The following NRXN3 variants were observed in gnomAD, a reference collection of about 807,000 sequenced individuals.
NRXN3 encodes the protein neurexin III.
NRXN3 carries 32 observed loss-of-function variants against 137.6 expected under a neutral mutation model. The ratio of observed to expected loss-of-function variants is 0.23; its 90% confidence interval spans 0.18 to 0.31. The LOEUF (loss-of-function observed/expected upper bound fraction) is 0.31. Among genes scored for constraint, NRXN3 ranks in the 10% least tolerant of loss-of-function variants. The pLI is 1.00. For synonymous variants in NRXN3, 798 were observed against 784.5 expected, an observed-to-expected ratio of 1.02 and a Z score of -0.29; for missense variants, 1,574 against 2,062.5, an observed-to-expected ratio of 0.76 and a Z score of 4.59.
At position 78,291,889 on chromosome 14, in the gene NRXN3, T is replaced by C. The variant is rs74065982; in HGVS notation, c.728-5942T>C. Among the ~76,000 whole-genome samples, 826 of 150,746 alleles carry C rather than the reference T, an allele frequency of 5.5e-3. 7 individuals are homozygous for C. The highest frequency in any genetic ancestry group is 0.02 in the African/African-American group (796 of 40,198). On this transcript the variant is annotated intron_variant, in intron 3 of 20. Transcript: ENST00000335750. ...AATAAAAGTCTTGGCAGAGATAACT[T>C]TTTTTTCGTCTTTTCTGAATCTTTT...
At chr14:78,284,536 G>A (rs953784799) in intron 3 of NRXN3, among the ~76,000 whole-genome samples, 3 of 152,200 alleles carry the variant, frequency 2.0e-5, no homozygotes, top group East Asian at 3.9e-4. Flanking sequence ...TCAGATTTTC[G>A]GGGTTCACAT....
At chr14:79,399,026 A>C (rs2095110850) in intron 15 of NRXN3, among the ~76,000 whole-genome samples, 1 of 148,030 alleles carries the variant, frequency 6.8e-6, no homozygotes, top group Admixed American at 6.8e-5. Flanking sequence ...AAAAAAAAAA[A>C]AGAAGAAGAA....
rs986412461 is a variant in NRXN3 at position 79,096,310 on chromosome 14, G to A, written c.3262+108169G>A. 2.6e-5 allele frequency among the ~76,000 whole-genome samples: 4 copies of A among 151,824 alleles called. 1 individual carries two copies. The highest frequency in any genetic ancestry group is 2.6e-4 in the Admixed American group (4 of 15,252). ...ATTTTAGTAGAGGCGGGGTTTCACTGTGTTGCCCAGGCTGGTCTCTAACTC... is the reference window on the plus strand; with the variant it reads ...ATTTTAGTAGAGGCGGGGTTTCACTATGTTGCCCAGGCTGGTCTCTAACTC... On this transcript the variant is annotated intron_variant, in intron 15 of 20. Transcript: ENST00000335750.
At chr14:79,593,033 CTTAT>C (rs2097822181) in intron 16 of NRXN3, among the ~76,000 whole-genome samples, 1 of 152,086 alleles carries the variant, frequency 6.6e-6, no homozygotes, top group African/African-American at 2.4e-5. Context: ...TTTTATTTCA[CTTAT>C]TTGACACTAC....
At chr14:78,272,824 C>T (rs994756793) in intron 2 of NRXN3, among the ~76,000 whole-genome samples, 4 of 152,010 alleles carry the variant, frequency 2.6e-5, no homozygotes, top group Non-Finnish European at 4.4e-5. Context: ...GGATGAATAC[C>T]GTTTCTACCT....
intron 15 of NRXN3, among the ~76,000 whole-genome samples, chr14:79,385,211 GCCC>G (rs372558684): frequency 1.0e-5 from 1 of 100,162 alleles, no homozygotes; most frequent in Non-Finnish European, 2.0e-5. Flanking sequence ...CCTTCCCCCC[GCCC>G]CCACCCCACC....
intron 15 of NRXN3, among the ~76,000 whole-genome samples, chr14:79,173,859 C>T (rs2062033409): frequency 6.6e-6 from 1 of 152,108 alleles, no homozygotes. Flanking sequence ...ATGGCTTCTC[C>T]ACCTTAAGGC....
At chr14:79,842,568 TA>T (rs2099358267) in intron 20 of NRXN3, among the ~76,000 whole-genome samples, 1 of 152,126 alleles carries the variant, frequency 6.6e-6, no homozygotes, top group South Asian at 2.1e-4. Flanking sequence ...TTGGGGATTT[TA>T]AAGAGGAAAG....
intron 4 of NRXN3, among the ~76,000 whole-genome samples, chr14:78,490,961 A>G (rs1432199046): frequency 6.6e-6 from 1 of 152,046 alleles, no homozygotes; most frequent in East Asian, 1.9e-4. Flanking sequence ...CCGGTCTACC[A>G]TCTCCTTTCC....
At chr14:78,927,069 C>A (rs1302043092) in intron 10 of NRXN3, among the ~76,000 whole-genome samples, 5 of 126,104 alleles carry the variant, frequency 4.0e-5, no homozygotes, top group African/African-American at 5.9e-5. Context: ...GTGGGAGGAT[C>A]TCTTGAGCCC....
intron 4 of NRXN3, among the ~76,000 whole-genome samples, chr14:78,452,949 T>A (rs552057804): frequency 6.6e-6 from 1 of 152,376 alleles, no homozygotes; most frequent in East Asian, 1.9e-4. Flanking sequence ...TAACCATTGA[T>A]GGAGTTGGGA....
At chr14:79,546,437 T>C (rs2097321398) in intron 16 of NRXN3, among the ~76,000 whole-genome samples, 1 of 152,198 alleles carries the variant, frequency 6.6e-6, no homozygotes, top group African/African-American at 2.4e-5. Flanking sequence ...CCTCTGTGTT[T>C]TGGTGTTGTC....
At chr14:79,045,918 C>T (rs2099632459) in intron 15 of NRXN3, among the ~76,000 whole-genome samples, 1 of 152,090 alleles carries the variant, frequency 6.6e-6, no homozygotes. Context: ...TGATGCAAAA[C>T]AGCTAGAAGA....
intron 1 of NRXN3, among the ~76,000 whole-genome samples, chr14:78,232,506 C>A (rs1157918022): frequency 1.3e-5 from 2 of 152,154 alleles, no homozygotes; most frequent in East Asian, 3.8e-4. Context: ...GTAAATTGCA[C>A]TCTTGCTGGG....
At chr14:79,783,947 A>C (rs2099121644) in intron 19 of NRXN3, among the ~76,000 whole-genome samples, 1 of 152,166 alleles carries the variant, frequency 6.6e-6, no homozygotes, top group South Asian at 2.1e-4. Flanking sequence ...TGGCAATTAA[A>C]ACTTCACATG....
intron 16 of NRXN3, among the ~76,000 whole-genome samples, chr14:79,501,134 G>A (rs573317759): frequency 2.0e-5 from 3 of 152,242 alleles, no homozygotes; most frequent in Admixed American, 1.3e-4. Flanking sequence ...ATTATCAGGC[G>A]AAGTTTGGGG....
intron 1 of NRXN3, among the ~76,000 whole-genome samples, chr14:78,232,602 C>A (rs143492754): frequency 6.6e-5 from 10 of 152,268 alleles, no homozygotes; most frequent in African/African-American, 1.7e-4. Flanking sequence ...GAAAGATCAG[C>A]TAAGCACCTA....
At position 78,694,403 on chromosome 14, in the gene NRXN3, G is replaced by A. The variant is rs562248507; in HGVS notation, c.1222-14814G>A. On this transcript the variant is annotated intron_variant, in intron 6 of 20. Transcript: ENST00000335750. ...TGTAGGCTCCACGTTTCCTAGCATG[G>A]TCCTTTGTATATAATAGTTGATCAA... Among the ~76,000 whole-genome samples, 122 of 151,906 alleles carry A rather than the reference G, an allele frequency of 8.0e-4. 6 individuals are homozygous for A. Among genetic ancestry groups the A allele is most frequent in the Middle Eastern group, 3.4e-3 (1 of 292 alleles).
chr14:78,307,085 CTT>C (rs1011424078), intron 4 of NRXN3, among the ~76,000 whole-genome samples: 1 of 151,976 alleles, frequency 6.6e-6, no homozygotes, highest in Non-Finnish European at 1.5e-5. Context: ...AGAAAATGTG[CTT>C]TGTGTGTGAA....
Sources: allele counts gnomAD v4.1 joint callset (sites outside exome capture counted in the v4.1 genomes callset), GRCh38; gene constraint gnomAD v4.1.1; transcripts MANE v1.5; gene names NCBI Gene and HGNC (gene_info 2026-07-23, HGNC 2026-07-21).